MYO3A: variants seen among roughly 807,000 people sequenced by gnomAD.
MYO3A encodes the protein myosin-IIIa.
A neutral mutation model predicts 192.7 loss-of-function variants in MYO3A; 180 were observed. The observed-to-expected ratio is 0.93, with a 90% CI of 0.83 to 1.06. The LOEUF (loss-of-function observed/expected upper bound fraction) is 1.06, where lower values mean the gene tolerates loss of function less well. Among genes scored for constraint, MYO3A ranks in the 50% least tolerant of loss-of-function variants. The probability of loss-of-function intolerance (pLI) is 0.00; values close to 1 mark genes in which losing one functional copy is unlikely to be tolerated. For synonymous variants in MYO3A, 628 were observed against 645.3 expected (o/e 0.97, Z 0.41); for missense variants, 1,896 against 1,905.0 (o/e 1.00, Z 0.09).
At chr10:26,026,967 T>C (rs1842580997) in intron 10 of MYO3A, among the ~76,000 whole-genome samples, 1 of 152,248 alleles carries the variant, frequency 6.6e-6, no homozygotes, top group South Asian at 2.1e-4. Flanking sequence ...CCCAAAGTGC[T>C]GGCATTACAG....
intron 28 of MYO3A, 148 bp downstream of exon 28, chr10:26,169,022 T>C (rs1841909494): frequency 1.4e-6 from 1 of 731,722 alleles, no homozygotes; most frequent in Non-Finnish European, 2.2e-6. Flanking sequence ...CTAAGTCAAA[T>C]TGTTTTAGTG....
intron 4 of MYO3A, among the ~76,000 whole-genome samples, chr10:25,983,267 T>A (rs1192290643): frequency 6.6e-6 from 1 of 151,702 alleles, no homozygotes; most frequent in African/African-American, 2.4e-5. Flanking sequence ...TTTTGTTTTT[T>A]TTTTTTGAGA....
At chr10:26,045,380 A>G (rs72793989) in intron 10 of MYO3A, among the ~76,000 whole-genome samples, 33 of 107,080 alleles carry the variant, frequency 3.1e-4, no homozygotes, top group Admixed American at 6.2e-4. Flanking sequence ...ATAGATAGAT[A>G]GATAGATAGA....
In MYO3A at chr10:26,174,230, C is replaced by T. The variant is rs543754139; in HGVS notation, c.3966C>T (p.Gly1322=). ...CACCGATATGCAGCCAGGAGGAAGG[C>T]AGAGGCCGTCTGAGGCATGAGACAG... ...QRAPICSQEE[G]RGRLRHETVK... is the part of the protein sequence containing the mutation. The change falls in exon 30 of 35, where the codon GGC becomes GGT. Residue 1322 remains glycine, a synonymous_variant. Transcript: ENST00000642920. The T allele has an allele frequency of 6.2e-7, 1 of 1,614,016 alleles. No individual in the cohort carries two copies. The highest frequency in any genetic ancestry group is 2.2e-5 in the East Asian group (1 of 44,878).
chr10:26,096,528 T>C, intron 16 of MYO3A, 40 bp from the exon 17 acceptor site: 1 of 1,599,396 alleles, frequency 6.3e-7, no homozygotes. Context: ...ACTTTTCCCT[T>C]AATTTTAGAC....
At chr10:26,000,878 A>T (rs916529768) in intron 6 of MYO3A, among the ~76,000 whole-genome samples, 2 of 152,182 alleles carry the variant, frequency 1.3e-5, no homozygotes, top group African/African-American at 4.8e-5. Context: ...CAGGCTGTGC[A>T]TGAGGCATGG....
rs34464120 is a variant in MYO3A at position 26,077,233 on chromosome 10, G to GTTTTTTTTTTTTTTTTTTTTTTTTT, written c.1359+6854_1359+6855insTTTTTTTTTTTTTTTTTTTTTTTTT. 4.7e-4 allele frequency among the ~76,000 whole-genome samples: 17 copies of GTTTTTTTTTTTTTTTTTTTTTTTTT among 36,290 alleles called. 4 individuals carry two copies. Among genetic ancestry groups the GTTTTTTTTTTTTTTTTTTTTTTTTT allele is most frequent in the Non-Finnish European group, 7.9e-4 (15 of 19,036 alleles). 23.8% of individuals were successfully genotyped at this position (36,290 alleles called of 152,430 possible). ...CTCCTTGGTTAGGTATATTCCTAAGGTTTTTTTTTTTTTTTTTTTTTTGCA... is the reference window on the plus strand; with the variant it reads ...CTCCTTGGTTAGGTATATTCCTAAGGTTTTTTTTTTTTTTTTTTTTTTTTTTTTTTTTTTTTTTTTTTTTTTTGCA... On this transcript the variant is annotated intron_variant, in intron 14 of 34. Coordinates refer to ENST00000642920, the MANE Select transcript of MYO3A (RefSeq NM_017433.5).
chr10:25,996,430 C>G, intron 4 of MYO3A, 60 bp from the exon 5 acceptor site: 1 of 1,442,862 alleles, frequency 6.9e-7, no homozygotes, highest in Non-Finnish European at 9.7e-7. Context: ...AAGAACTTTT[C>G]TAGAAAGAAC....
Position 26,070,411 on chromosome 10 carries a change from A to G in MYO3A, c.1359+10A>G, listed in dbSNP as rs1036230418. The G allele has an allele frequency of 1.9e-6, 3 of 1,606,662 alleles. No individual in the cohort carries two copies. Among genetic ancestry groups the G allele is most frequent in the Non-Finnish European group, 2.6e-6 (3 of 1,174,886 alleles). On this transcript the variant is annotated intron_variant, in intron 14 of 34. Coordinates refer to ENST00000642920, the MANE Select transcript of MYO3A (RefSeq NM_017433.5). The stretch of plus-strand genomic sequence containing the variant: ...GACAGTGCTTGGAAAGGTATAATTT[A>G]TTTTTTTCTCTGTCCCATCAGAAAT...
chr10:26,150,455 C>A (rs1230679619), intron 23 of MYO3A, among the ~76,000 whole-genome samples: 1 of 152,138 alleles, frequency 6.6e-6, no homozygotes, highest in Non-Finnish European at 1.5e-5. Flanking sequence ...CCAACTGGGC[C>A]TGAAGGATGT....
At chr10:25,995,457 C>G (rs939656453) in intron 4 of MYO3A, among the ~76,000 whole-genome samples, 8 of 152,190 alleles carry the variant, frequency 5.3e-5, no homozygotes, top group Non-Finnish European at 1.2e-4. Flanking sequence ...CGAACTTCCT[C>G]CTTTAGCTTG....
At chr10:25,977,030 T>C (rs926274011) in intron 4 of MYO3A, among the ~76,000 whole-genome samples, 1 of 152,206 alleles carries the variant, frequency 6.6e-6, no homozygotes, top group Non-Finnish European at 1.5e-5. Flanking sequence ...CTTTTCTTTA[T>C]GTAAGAAGGA....
rs1032581969 is a variant in MYO3A, at chr10:26,212,278, G to A, written c.*315G>A. On this transcript the variant is annotated 3_prime_UTR_variant, in exon 35 of 35. Coordinates refer to ENST00000642920, the MANE Select transcript of MYO3A (RefSeq NM_017433.5). ...ATCTATCACTTTGTTCTTTTTTTTT[G>A]TGACTCCTGTGGACTCCACTGCGCC... 1.6e-5 allele frequency: 7 copies of A among 438,276 alleles called. No homozygotes were observed. Among genetic ancestry groups the A allele is most frequent in the South Asian group, 7.7e-5 (1 of 12,966 alleles). 27.1% of individuals were successfully genotyped at this position (438,276 alleles called of 1,614,324 possible).
intron 14 of MYO3A, among the ~76,000 whole-genome samples, chr10:26,076,750 G>T (rs1352605445): frequency 2.0e-5 from 3 of 152,084 alleles, no homozygotes; most frequent in African/African-American, 7.2e-5. Context: ...GTTGAAAAGG[G>T]TGTCTTTTCC....
rs527486765 is a variant in MYO3A at position 26,166,425 on chromosome 10, C to T, written c.3111+247C>T. On this transcript the variant is annotated intron_variant, in intron 27 of 34. Coordinates refer to ENST00000642920, the MANE Select transcript of MYO3A (RefSeq NM_017433.5). ...GGCAAGGTAGCTGACACCTCTAATC[C>T]CAACACTTTGGAAGGCCGAGGTGGG... Among the ~76,000 whole-genome samples the T allele has an allele frequency of 3.3e-5, 5 of 152,128 alleles. No individual in the cohort carries two copies. In the South Asian group the frequency reaches 6.2e-4, roughly 19 times the overall value.
intron 21 of MYO3A, among the ~76,000 whole-genome samples, chr10:26,144,505 C>T (rs1026057232): frequency 1.3e-5 from 2 of 151,570 alleles, no homozygotes; most frequent in Middle Eastern, 3.2e-3. Context: ...CATTTCATAG[C>T]AGTCAGTTGA....
chr10:25,963,775 AT>A (rs1351575494), intron 4 of MYO3A, among the ~76,000 whole-genome samples: 1 of 152,102 alleles, frequency 6.6e-6, no homozygotes, highest in Non-Finnish European at 1.5e-5. Context: ...GAGTTGTTTC[AT>A]TTTTTGTTTG....
intron 26 of MYO3A, among the ~76,000 whole-genome samples, chr10:26,163,522 T>C (rs1159820661): frequency 6.6e-6 from 1 of 152,084 alleles, no homozygotes; most frequent in Non-Finnish European, 1.5e-5. Flanking sequence ...GAGAAACAAA[T>C]GGATTCCAGA....
chr10:26,127,967 T>G (rs1049839495), intron 19 of MYO3A, among the ~76,000 whole-genome samples: 2 of 152,110 alleles, frequency 1.3e-5, no homozygotes, highest in Admixed American at 1.3e-4. Flanking sequence ...TTCAAAATTG[T>G]TCTCCTAAAA....
Sources: gnomAD v4.1 joint callset for allele counts (sites outside exome capture counted in the v4.1 genomes callset) on GRCh38, gnomAD v4.1.1 for gene constraint, MANE v1.5 for transcripts, NCBI Gene and HGNC (gene_info 2026-07-23, HGNC 2026-07-21) for gene names.